Variants in ADCY10 observed in about 807,000 individuals in gnomAD.
ADCY10 encodes the protein adenylate cyclase type 10.
Under a neutral mutation model 183.3 loss-of-function variants are expected in ADCY10, and 156 were observed. The observed-to-expected ratio is 0.85, with a 90% CI of 0.75 to 0.97. The LOEUF (loss-of-function observed/expected upper bound fraction) is 0.97. Ranked by LOEUF, ADCY10 falls within the 50% of genes least tolerant of loss-of-function variation. ADCY10 has a pLI of 0.00. For missense variants in ADCY10, 1,745 were observed against 1,934.3 expected (o/e 0.90, Z 1.84); for synonymous variants, 645 against 670.0 (o/e 0.96, Z 0.58).
At chr1:167,842,603 C>T (rs920143805) in intron 21 of ADCY10, among the ~76,000 whole-genome samples, 4 of 144,484 alleles carry the variant, frequency 2.8e-5, no homozygotes, top group South Asian at 2.2e-4. Flanking sequence ...AAAAAAAAAA[C>T]GTTTCCTAGT....
intron 21 of ADCY10, among the ~76,000 whole-genome samples, chr1:167,845,266 G>C (rs1247166429): frequency 6.6e-6 from 1 of 152,142 alleles, no homozygotes; most frequent in Non-Finnish European, 1.5e-5. Flanking sequence ...TCCATCCTTT[G>C]GTGTGAATTA....
At chr1:167,817,858 T>C (rs1335315096) in intron 31 of ADCY10, among the ~76,000 whole-genome samples, 1 of 152,172 alleles carries the variant, frequency 6.6e-6, no homozygotes, top group Non-Finnish European at 1.5e-5. Flanking sequence ...GAAAAATACT[T>C]GAAAAGTGGG....
At chr1:167,849,207 C>T (rs1665290867) in intron 18 of ADCY10, among the ~76,000 whole-genome samples, 1 of 152,024 alleles carries the variant, frequency 6.6e-6, no homozygotes, top group South Asian at 2.1e-4. Flanking sequence ...TTTACATACC[C>T]ACACTCAGTT....
chr1:167,901,568 A>T, intron 5 of ADCY10, 94 bp downstream of exon 5: 2 of 1,306,012 alleles, frequency 1.5e-6, no homozygotes, highest in Non-Finnish European at 2.2e-6. Flanking sequence ...CTGAGCCACC[A>T]TGTTCTACTA....
At chr1:167,845,130 C>T (rs1664910799) in intron 21 of ADCY10, among the ~76,000 whole-genome samples, 1 of 152,218 alleles carries the variant, frequency 6.6e-6, no homozygotes, top group South Asian at 2.1e-4. Context: ...TTAGCCCTGG[C>T]TAATTCTCTC....
intron 21 of ADCY10, among the ~76,000 whole-genome samples, chr1:167,840,073 G>A (rs919513997): frequency 1.7e-4 from 26 of 148,786 alleles, no homozygotes; most frequent in South Asian, 4.3e-4. Context: ...AAAAAGAAAA[G>A]AAAAAAAAAT....
At chr1:167,839,475 T>C (rs929769463) in intron 21 of ADCY10, among the ~76,000 whole-genome samples, 1 of 152,246 alleles carries the variant, frequency 6.6e-6, no homozygotes, top group Non-Finnish European at 1.5e-5. Flanking sequence ...GAGGCAAGCC[T>C]TTTACATGAG....
intron 7 of ADCY10, 109 bp downstream of exon 7, chr1:167,896,486 G>C: frequency 2.3e-6 from 2 of 872,112 alleles, no homozygotes; most frequent in Non-Finnish European, 3.9e-6. Context: ...GTAAGGACCA[G>C]GAGCTGTGTT....
intron 31 of ADCY10, among the ~76,000 whole-genome samples, chr1:167,817,630 G>T (rs754054008): frequency 5.3e-5 from 8 of 152,154 alleles, no homozygotes; most frequent in Non-Finnish European, 1.2e-4. Flanking sequence ...CGTGTGGAAT[G>T]ATTTGTCTAC....
At position 167,855,307 on chromosome 1, in the gene ADCY10, C is replaced by T. The variant is rs548092428; in HGVS notation, c.2172-818G>A. ...TGCACTCCAGCCTGGGCAATGAGAG[C>T]GAAACTAGGTCTAAAAAACAAAAAA... On this transcript the variant is annotated intron_variant, in intron 17 of 32. Transcript: ENST00000367851. Among the ~76,000 whole-genome samples, 430 of 151,466 alleles carry T rather than the reference C, an allele frequency of 2.8e-3. 3 individuals are homozygous for T. Among genetic ancestry groups the T allele is most frequent in the African/African-American group, 9.6e-3 (396 of 41,176 alleles).
intron 31 of ADCY10, among the ~76,000 whole-genome samples, chr1:167,815,226 T>C (rs1035845269): frequency 6.6e-6 from 1 of 152,072 alleles, no homozygotes; most frequent in East Asian, 1.9e-4. Context: ...TCAACCAGGA[T>C]CTCTCAGTAA....
intron 24 of ADCY10, among the ~76,000 whole-genome samples, chr1:167,833,497 GCACTTT>G (rs1257295159): frequency 6.6e-6 from 1 of 152,206 alleles, no homozygotes; most frequent in Non-Finnish European, 1.5e-5. Context: ...TGTAATCCCA[GCACTTT>G]GGGAGGTCAG....
intron 11 of ADCY10, among the ~76,000 whole-genome samples, chr1:167,879,037 T>G (rs921137983): frequency 5.3e-5 from 8 of 152,206 alleles, no homozygotes; most frequent in African/African-American, 1.9e-4. Context: ...TAAAATTGTG[T>G]CTGCATGCTC....
At chr1:167,857,067 A>G (rs1665965266) in intron 16 of ADCY10, among the ~76,000 whole-genome samples, 1 of 152,224 alleles carries the variant, frequency 6.6e-6, no homozygotes, top group South Asian at 2.1e-4. Flanking sequence ...TATCAGGGTC[A>G]GGTGCTGTTC....
intron 18 of ADCY10, among the ~76,000 whole-genome samples, chr1:167,850,177 A>G (rs1013064686): frequency 6.6e-6 from 1 of 152,110 alleles, no homozygotes; most frequent in African/African-American, 2.4e-5. Context: ...ATGGAATGTC[A>G]AGAAGTGAGG....
At chr1:167,850,909 T>G (rs1308075177) in intron 18 of ADCY10, among the ~76,000 whole-genome samples, 1 of 152,080 alleles carries the variant, frequency 6.6e-6, no homozygotes, top group Non-Finnish European at 1.5e-5. Context: ...GAAGCTCACA[T>G]TCTAGTGGGA....
At chr1:167,870,137 G>T in intron 14 of ADCY10, 120 bp downstream of exon 14, 2 of 1,113,670 alleles carry the variant, frequency 1.8e-6, no homozygotes, top group Non-Finnish European at 2.7e-6. Flanking sequence ...AAGGGTCATG[G>T]CATCCAATAA....
At chr1:167,864,546 G>A (rs1466342343) in intron 14 of ADCY10, among the ~76,000 whole-genome samples, 1 of 151,858 alleles carries the variant, frequency 6.6e-6, no homozygotes, top group Non-Finnish European at 1.5e-5. Context: ...GTTAAGAGAG[G>A]CAGAAAGAGA....
chr1:167,868,322 A>G (rs1239940500), intron 14 of ADCY10, among the ~76,000 whole-genome samples: 1 of 152,162 alleles, frequency 6.6e-6, no homozygotes, highest in South Asian at 2.1e-4. Flanking sequence ...GCCCAAAAGA[A>G]TCACCCTGAT....
Sources: gnomAD v4.1 joint callset for allele counts (sites outside exome capture counted in the v4.1 genomes callset) on GRCh38, gnomAD v4.1.1 for gene constraint, MANE v1.5 for transcripts, NCBI Gene and HGNC (gene_info 2026-07-23, HGNC 2026-07-21) for gene names.